ZCCHC10: variants seen among roughly 807,000 people sequenced by gnomAD.
The protein encoded by ZCCHC10 is zinc finger CCHC-type containing 10, also known as zinc finger CCHC domain-containing protein 10.
ZCCHC10 carries 16 observed loss-of-function variants against 19.5 expected under a neutral mutation model. The observed-to-expected ratio is 0.82, with a 90% CI of 0.56 to 1.25. The LOEUF is 1.25. Among genes scored for constraint, ZCCHC10 ranks in the 50% most tolerant of loss-of-function variants. The probability of loss-of-function intolerance (pLI) is 0.00; values close to 1 mark genes in which losing one functional copy is unlikely to be tolerated. For synonymous variants in ZCCHC10, 67 were observed against 72.5 expected, an observed-to-expected ratio of 0.92 and a Z score of 0.38; for missense variants, 197 against 201.0, an observed-to-expected ratio of 0.98 and a Z score of 0.12.
At chr5:133,026,132 C>A (rs1012265041) in intron 1 of ZCCHC10, among the ~76,000 whole-genome samples, 1 of 152,178 alleles carries the variant, frequency 6.6e-6, no homozygotes, top group African/African-American at 2.4e-5. Flanking sequence ...TGAAGGTTTA[C>A]GTCGGCTGGA....
At position 133,008,239 on chromosome 5, in the gene ZCCHC10, A is replaced by T. The variant is rs1763260773; in HGVS notation, c.108-1319T>A. On this transcript the variant is annotated intron_variant, in intron 2 of 4. Coordinates refer to ENST00000509437, the MANE Select transcript of ZCCHC10 (RefSeq NM_001300816.3). The stretch of plus-strand genomic sequence containing the variant: ...GACTCTGTCTCAAAAAAAAAAAAAA[A>T]AAAAGAATCAGAAAATCAGGCCGGG... 2.1e-5 allele frequency among the ~76,000 whole-genome samples: 3 copies of T among 145,032 alleles called. No individual in the cohort carries two copies. The South Asian group carries it at 6.5e-4, about 31-fold the overall frequency.
intron 1 of ZCCHC10, among the ~76,000 whole-genome samples, chr5:133,025,503 CAAAAAAAA>C (rs74843776): frequency 4.1e-3 from 76 of 18,672 alleles, no homozygotes; most frequent in African/African-American, 6.6e-3. Flanking sequence ...GACTCCGCCT[CAAAAAAAA>C]AAAAAAAAAA....
At chr5:133,016,561 G>A (rs775618136) in intron 2 of ZCCHC10, among the ~76,000 whole-genome samples, 2 of 151,858 alleles carry the variant, frequency 1.3e-5, no homozygotes, top group Admixed American at 6.6e-5. Context: ...TCTTGCCTCA[G>A]CCTCCCAAGT....
Position 132,997,703 on chromosome 5 carries a change from G to A in ZCCHC10, c.*880C>T, listed in dbSNP as rs1381553410. The A allele has an allele frequency of 3.3e-5, 5 of 152,024 alleles. No individual in the cohort carries two copies. The highest frequency in any genetic ancestry group is 4.8e-5 in the African/African-American group (2 of 41,406). 9.4% of individuals were successfully genotyped at this position (152,024 alleles called of 1,614,324 possible). On this transcript the variant is annotated 3_prime_UTR_variant, in exon 5 of 5. Transcript: ENST00000509437. ...TTAAAAAAAGCTTTTAATAAAAGGCGACCAACATTGCCCTAATTTTCAGTA... is the reference window on the plus strand; with the variant it reads ...TTAAAAAAAGCTTTTAATAAAAGGCAACCAACATTGCCCTAATTTTCAGTA...
At chr5:133,023,286 A>G (rs1433689573) in intron 1 of ZCCHC10, among the ~76,000 whole-genome samples, 1 of 152,140 alleles carries the variant, frequency 6.6e-6, no homozygotes, top group African/African-American at 2.4e-5. Flanking sequence ...CCTAGACTCC[A>G]TAATTTACTT....
In ZCCHC10 at chr5:133,012,825, C is replaced by T. The variant is rs918583541; in HGVS notation, c.108-5905G>A. On this transcript the variant is annotated intron_variant, in intron 2 of 4. Transcript: ENST00000509437. ...CAGCACTTTGGGAGGCCGAGGTGGG[C>T]GGATTACAAGGTCAGGAGATGGAGA... Among the ~76,000 whole-genome samples the T allele has an allele frequency of 1.2e-3, 182 of 151,890 alleles. 1 individual carries two copies. Among genetic ancestry groups the T allele is most frequent in the African/African-American group, 4.1e-3 (172 of 41,456 alleles).
chr5:133,017,268 C>T (rs183284169), intron 2 of ZCCHC10, among the ~76,000 whole-genome samples: 1 of 152,292 alleles, frequency 6.6e-6, no homozygotes, highest in African/African-American at 2.4e-5. Context: ...CCAAGTTGAC[C>T]CTCTGCATAG....
chr5:133,023,403 T>C (rs1272742252), intron 1 of ZCCHC10, among the ~76,000 whole-genome samples: 1 of 151,962 alleles, frequency 6.6e-6, no homozygotes, highest in Non-Finnish European at 1.5e-5. Flanking sequence ...AAAGATCTAC[T>C]GAATGAGGAG....
chr5:133,000,804 G>A (rs551238197), intron 3 of ZCCHC10, among the ~76,000 whole-genome samples: 17 of 151,662 alleles, frequency 1.1e-4, no homozygotes, highest in African/African-American at 3.4e-4. Flanking sequence ...CACCAAGCCC[G>A]GCTAATTTTT....
chr5:132,997,945 TC>T lies in ZCCHC10; in HGVS notation c.*637del, dbSNP rs1412418141. 4 of 152,150 alleles carry T rather than the reference TC, an allele frequency of 2.6e-5. No individual in the cohort carries two copies. The highest frequency in any genetic ancestry group is 9.7e-5 in the African/African-American group (4 of 41,432). 9.4% of individuals were successfully genotyped at this position (152,150 alleles called of 1,614,324 possible). A position where few individuals can be genotyped will look rare whatever the true frequency, so the allele number is the denominator to read the frequency against. ...TTTTTAGGTTCCTCTAGAATAATTT[TC>T]CTCAGAAAAGGATAACTTGAAAAAC... On this transcript the variant is annotated 3_prime_UTR_variant, in exon 5 of 5. Coordinates refer to ENST00000509437, the MANE Select transcript of ZCCHC10 (RefSeq NM_001300816.3).
At chr5:133,020,304 A>G (rs1764215188) in intron 2 of ZCCHC10, among the ~76,000 whole-genome samples, 1 of 151,732 alleles carries the variant, frequency 6.6e-6, no homozygotes, top group Admixed American at 6.6e-5. Context: ...CTCCACTGAA[A>G]ATACAAAAAT....
chr5:133,007,961 C>A (rs1269108287), intron 2 of ZCCHC10, among the ~76,000 whole-genome samples: 1 of 152,050 alleles, frequency 6.6e-6, no homozygotes, highest in African/African-American at 2.4e-5. Context: ...TGTGGTGGCT[C>A]ACACCTGTAA....
At chr5:133,018,763 T>C (rs950310199) in intron 2 of ZCCHC10, among the ~76,000 whole-genome samples, 2 of 152,170 alleles carry the variant, frequency 1.3e-5, no homozygotes, top group African/African-American at 4.8e-5. Flanking sequence ...TTCCTATGAC[T>C]TAAAGATTTG....
intron 4 of ZCCHC10, among the ~76,000 whole-genome samples, chr5:132,999,056 C>T (rs1479935907): frequency 1.3e-5 from 2 of 152,034 alleles, no homozygotes; most frequent in African/African-American, 4.8e-5. Context: ...GCCAGGATTA[C>T]AGGTGCGCAC....
intron 1 of ZCCHC10, among the ~76,000 whole-genome samples, chr5:133,026,202 G>A (rs3885730): frequency 0.23 from 34,544 of 152,130 alleles, 4,063 homozygotes; most frequent in Non-Finnish European, 0.25. Context: ...TTGGCGGAGG[G>A]GCATAAATCA....
chr5:133,019,028 C>A lies in ZCCHC10; in HGVS notation c.107+3813G>T, dbSNP rs909848105. The A allele has an allele frequency of 1.8e-4, 79 of 444,166 alleles. 2 individuals are homozygous for A. Among genetic ancestry groups the A allele is most frequent in the South Asian group, 1.2e-3 (78 of 62,860 alleles). 27.5% of individuals were successfully genotyped at this position (444,166 alleles called of 1,614,324 possible). A position where few individuals can be genotyped will look rare whatever the true frequency, so the allele number is the denominator to read the frequency against. ...GGACCCTAGTCATTAAAAATATCCA[C>A]CAGACATTCTGGAGTTTGTTTTTTA... On this transcript the variant is annotated intron_variant, in intron 2 of 4. Coordinates refer to ENST00000509437, the MANE Select transcript of ZCCHC10 (RefSeq NM_001300816.3).
chr5:133,007,701 T>G (rs772844635), intron 2 of ZCCHC10, among the ~76,000 whole-genome samples: 3 of 152,154 alleles, frequency 2.0e-5, no homozygotes, highest in Non-Finnish European at 4.4e-5. Flanking sequence ...CCAATAAACT[T>G]TTTTGTTGTG....
In ZCCHC10 at chr5:132,997,639, A is replaced by G. The variant is rs568060657; in HGVS notation, c.*944T>C. The G allele has an allele frequency of 6.6e-6, 1 of 152,004 alleles. No homozygotes were observed. Among genetic ancestry groups the G allele is most frequent in the African/African-American group, 2.4e-5 (1 of 41,316 alleles). The allele number at this position is 152,004 out of a possible 1,614,324, so 9.4% of individuals were successfully genotyped here. Reference sequence around the variant, plus strand: ...CAGTTACCATACAAACTATAATACCATATTTTCAAAAATAGCAAAAAGCAA... The same window carrying G: ...CAGTTACCATACAAACTATAATACCGTATTTTCAAAAATAGCAAAAAGCAA... On this transcript the variant is annotated 3_prime_UTR_variant, in exon 5 of 5. Coordinates refer to ENST00000509437, the MANE Select transcript of ZCCHC10 (RefSeq NM_001300816.3).
Position 133,006,831 on chromosome 5 carries a change from TGTAG to T in ZCCHC10, c.193_196del (p.Leu65IlefsTer9). On this transcript the variant is annotated frameshift_variant, in exon 3 of 5. Transcript: ENST00000509437. LOFTEE classifies it high-confidence loss of function. Reference sequence around the variant, plus strand: ...TAGTTCTGCTGTCCTTGAGGGCCTATGTAGGTATTTTCTTTTTCCTGTGCATTCA... The same window carrying T: ...TAGTTCTGCTGTCCTTGAGGGCCTATGTATTTTCTTTTTCCTGTGCATTCA... 6.2e-7 allele frequency: 1 copy of T among 1,612,770 alleles called. No individual in the cohort carries two copies. The highest frequency in any genetic ancestry group is 2.2e-5 in the East Asian group (1 of 44,774).
Sources: allele counts gnomAD v4.1 joint callset (sites outside exome capture counted in the v4.1 genomes callset), GRCh38; gene constraint gnomAD v4.1.1; transcripts MANE v1.5; gene names NCBI Gene and HGNC (gene_info 2026-07-23, HGNC 2026-07-21).